KIF13B: variants seen among roughly 807,000 people sequenced by gnomAD.
KIF13B encodes kinesin family member 13B.
Under a neutral mutation model 222.0 loss-of-function variants are expected in KIF13B, and 127 were observed. That is an observed-to-expected ratio of 0.57 (90% CI 0.50 to 0.66). The LOEUF (loss-of-function observed/expected upper bound fraction) is 0.66, where lower values mean the gene tolerates loss of function less well. Among genes scored for constraint, KIF13B ranks in the 30% least tolerant of loss-of-function variants. The pLI is 0.00. For missense variants in KIF13B, 2,173 were observed against 2,379.0 expected (o/e 0.91, Z 1.80); for synonymous variants, 976 against 919.0 (o/e 1.06, Z -1.12).
At chr8:29,211,466 CA>C (rs1814223326) in intron 2 of KIF13B, among the ~76,000 whole-genome samples, 1 of 152,248 alleles carries the variant, frequency 6.6e-6, no homozygotes, top group African/African-American at 2.4e-5. Flanking sequence ...GCCTGGTGGC[CA>C]GAACTGAGTT....
intron 2 of KIF13B, among the ~76,000 whole-genome samples, chr8:29,236,541 A>G (rs928264329): frequency 2.0e-5 from 3 of 152,300 alleles, no homozygotes; most frequent in African/African-American, 4.8e-5. Flanking sequence ...TTCTATTTCA[A>G]TTTTCCTAAA....
At chr8:29,241,441 G>C (rs1056804885) in intron 2 of KIF13B, among the ~76,000 whole-genome samples, 11 of 152,176 alleles carry the variant, frequency 7.2e-5, no homozygotes, top group Admixed American at 1.3e-4. Flanking sequence ...ACATCTATTT[G>C]GTTCTTAGAA....
At chr8:29,125,925 T>A (rs1473558607) in intron 26 of KIF13B, among the ~76,000 whole-genome samples, 1 of 151,818 alleles carries the variant, frequency 6.6e-6, no homozygotes. Flanking sequence ...GGGCCAACAT[T>A]GTGAAACCCC....
intron 36 of KIF13B, among the ~76,000 whole-genome samples, chr8:29,094,104 A>T (rs1256912706): frequency 6.6e-6 from 1 of 152,178 alleles, no homozygotes; most frequent in Non-Finnish European, 1.5e-5. Flanking sequence ...CATATCACTA[A>T]ATGAGACCAT....
chr8:29,154,476 C>T (rs1811429634), intron 14 of KIF13B, among the ~76,000 whole-genome samples: 1 of 152,068 alleles, frequency 6.6e-6, no homozygotes, highest in Non-Finnish European at 1.5e-5. Context: ...TGACTTCAGA[C>T]AGAATTTAAG....
At position 29,099,178 on chromosome 8, in the gene KIF13B, G is replaced by A. The variant is rs201933345; in HGVS notation, c.4279C>T (p.Pro1427Ser). 22 of 1,613,510 alleles carry A rather than the reference G, an allele frequency of 1.4e-5. No individual in the cohort carries two copies. The African/African-American group carries it at 2.7e-4, about 20-fold the overall frequency. Residue 1427 changes from proline to serine, a missense_variant, in exon 36 of 40, where the codon CCC (proline) becomes TCC (serine). Pro to Ser is a moderately conservative substitution (Grantham distance 74). Around this residue, in one of 2 missense-constraint regions of KIF13B, gnomAD observed 693 missense variants for 656.2 expected, o/e 1.06. Transcript: ENST00000524189. ...TTVSRGIAPA[P>S]ALSVSPQNNH... is the part of the protein sequence containing the mutation. ...TTTTGGGGAGAAACAGAGAGGGCGG[G>A]GGCAGGAGCTATTCCTCTGGAAACT...
intron 2 of KIF13B, among the ~76,000 whole-genome samples, chr8:29,196,525 T>C (rs1813430093): frequency 6.6e-6 from 1 of 152,188 alleles, no homozygotes; most frequent in Admixed American, 6.5e-5. Context: ...TATAAATATA[T>C]ATTTTTTAAT....
chr8:29,258,094 C>T (rs1044956180), intron 1 of KIF13B, among the ~76,000 whole-genome samples: 1 of 152,216 alleles, frequency 6.6e-6, no homozygotes, highest in African/African-American at 2.4e-5. Flanking sequence ...CTTGGCTCCA[C>T]ATCTGTCAGT....
intron 30 of KIF13B, among the ~76,000 whole-genome samples, chr8:29,118,238 C>T (rs1023709539): frequency 7.2e-5 from 11 of 151,810 alleles, no homozygotes; most frequent in African/African-American, 2.7e-4. Flanking sequence ...CACCTGTAAT[C>T]CCAGCACTTT....
intron 2 of KIF13B, among the ~76,000 whole-genome samples, chr8:29,221,910 T>C (rs1814769719): frequency 6.6e-6 from 1 of 152,252 alleles, no homozygotes; most frequent in African/African-American, 2.4e-5. Context: ...CTTTATAAAA[T>C]GAAAAACCTC....
At chr8:29,176,946 C>T (rs1470668721) in intron 9 of KIF13B, among the ~76,000 whole-genome samples, 1 of 152,188 alleles carries the variant, frequency 6.6e-6, no homozygotes, top group Non-Finnish European at 1.5e-5. Context: ...AGGAAAAGCT[C>T]AACGTGGTTA....
At chr8:29,201,835 A>T (rs1303247396) in intron 2 of KIF13B, among the ~76,000 whole-genome samples, 1 of 152,190 alleles carries the variant, frequency 6.6e-6, no homozygotes, top group African/African-American at 2.4e-5. Context: ...AATCTGTGTG[A>T]TGAGTATGAT....
At chr8:29,252,520 ATATC>A (rs1367028720) in intron 1 of KIF13B, among the ~76,000 whole-genome samples, 2 of 152,232 alleles carry the variant, frequency 1.3e-5, no homozygotes, top group African/African-American at 4.8e-5. Flanking sequence ...ATGTTCCTAA[ATATC>A]TAACTATAAT....
chr8:29,080,675 C>A (rs1389357018), intron 37 of KIF13B, among the ~76,000 whole-genome samples: 1 of 152,172 alleles, frequency 6.6e-6, no homozygotes, highest in Admixed American at 6.5e-5. Flanking sequence ...TGTGTAAAAA[C>A]CTGATCACCT....
At chr8:29,096,960 C>T (rs142151356) in intron 36 of KIF13B, among the ~76,000 whole-genome samples, 11 of 151,924 alleles carry the variant, frequency 7.2e-5, no homozygotes, top group African/African-American at 2.7e-4. Context: ...AAAAATATGG[C>T]GGACCAGAAT....
At chr8:29,074,631 G>A (rs1281934965) in intron 38 of KIF13B, among the ~76,000 whole-genome samples, 3 of 152,230 alleles carry the variant, frequency 2.0e-5, no homozygotes, top group Non-Finnish European at 2.9e-5. Context: ...ATTCCCAGGG[G>A]AGGGGGCACC....
In KIF13B at chr8:29,134,115, G is replaced by A. The variant is rs376841277; in HGVS notation, c.2709C>T (p.Val903=). ...AGGAGGAGGTGTCCACTTCAGGAGC[G>A]ACAATCACCGGCTCCTGTTGATCCC... is the stretch of plus-strand genomic sequence containing the variant. ...SFWDQQEPVI[V]APEVDTSSSS... Residue 903 remains valine (V), a synonymous_variant, in exon 22 of 40, where the codon GTC becomes GTT. Transcript: ENST00000524189. The A allele has an allele frequency of 2.5e-6, 4 of 1,613,756 alleles. No homozygotes were observed. The highest frequency in any genetic ancestry group is 1.3e-5 in the African/African-American group (1 of 74,922).
chr8:29,115,378 G>A (rs890679866), intron 31 of KIF13B, among the ~76,000 whole-genome samples: 8 of 150,564 alleles, frequency 5.3e-5, no homozygotes, highest in African/African-American at 2.0e-4. Flanking sequence ...CCAGGCTGGA[G>A]TGCAACGGTG....
rs377468853 is a variant in KIF13B at position 29,136,961 on chromosome 8, G to A, written c.2614-2751C>T. 3.2e-3 allele frequency among the ~76,000 whole-genome samples: 481 copies of A among 151,828 alleles called. 3 individuals carry two copies. The highest frequency in any genetic ancestry group is 0.011 in the African/African-American group (454 of 41,372). On this transcript the variant is annotated intron_variant, in intron 21 of 39. Transcript: ENST00000524189. The stretch of plus-strand genomic sequence containing the variant: ...ACTAAAGGTGCCCACCACCACGCCC[G>A]GCTAATTTTTTTGTATTTTTAGTAG...
Sources: gnomAD v4.1 joint callset for allele counts (sites outside exome capture counted in the v4.1 genomes callset) on GRCh38, gnomAD v4.1.1 for gene constraint, gnomAD v4.1.1 regional missense constraint, MANE v1.5 for transcripts, NCBI Gene and HGNC (gene_info 2026-07-23, HGNC 2026-07-21) for gene names.